The following PCDHGA3 variants were observed in gnomAD, a reference collection of about 807,000 sequenced individuals.
The protein encoded by PCDHGA3 is protocadherin gamma subfamily A, 3.
A neutral mutation model predicts 58.5 loss-of-function variants in PCDHGA3; 40 were observed. The observed-to-expected ratio is 0.68, with a 90% CI of 0.53 to 0.89. PCDHGA3 has a LOEUF of 0.89. PCDHGA3 is among the 40% of genes least tolerant of loss of function. The pLI, the probability that PCDHGA3 is intolerant of heterozygous loss-of-function variation, is 0.00. For synonymous variants in PCDHGA3, 530 were observed against 525.7 expected (o/e 1.01, Z -0.11); for missense variants, 1,223 against 1,195.9 (o/e 1.02, Z -0.33).
At chr5:141,510,845 C>T (rs2099883036) in intron 3 of PCDHGA3, 102 bp from the exon 4 acceptor site, 3 of 1,593,960 alleles carry the variant, frequency 1.9e-6, no homozygotes, top group Non-Finnish European at 2.6e-6. Context: ...TGGTCAAGGC[C>T]CAGGGTGCTG....
At chr5:141,364,392 G>A in intron 1 of PCDHGA3, 1 of 1,603,098 alleles carries the variant, frequency 6.2e-7, no homozygotes, top group East Asian at 2.2e-5. Flanking sequence ...ATGCTCCTGG[G>A]GACGCTGTGC....
intron 1 of PCDHGA3, among the ~76,000 whole-genome samples, chr5:141,473,946 G>A (rs1399816546): frequency 6.6e-6 from 1 of 152,170 alleles, no homozygotes; most frequent in African/African-American, 2.4e-5. Context: ...GCTCAGGCCT[G>A]TAGTCCCATC....
chr5:141,466,197 G>A (rs2099118639), intron 1 of PCDHGA3, among the ~76,000 whole-genome samples: 1 of 151,666 alleles, frequency 6.6e-6, no homozygotes, highest in South Asian at 2.1e-4. Flanking sequence ...TTCAGACACA[G>A]CCTTGCTCTG....
chr5:141,403,688 A>T (rs1385402830), intron 1 of PCDHGA3: 1 of 1,613,836 alleles, frequency 6.2e-7, no homozygotes, highest in Non-Finnish European at 8.5e-7. Flanking sequence ...TGCTCAACGG[A>T]TTTACCGAGT....
At chr5:141,400,261 C>G in intron 1 of PCDHGA3, 1 of 1,614,058 alleles carries the variant, frequency 6.2e-7, no homozygotes. Context: ...CTTGCGCCTG[C>G]GACGCTCCTC....
chr5:141,423,415 G>GA (rs750028507), intron 1 of PCDHGA3: 3 of 1,614,134 alleles, frequency 1.9e-6, no homozygotes, highest in Non-Finnish European at 2.5e-6. Context: ...GCAGGCTTCT[G>GA]AAGGCGGGTT....
chr5:141,364,479 A>G (rs761634575), intron 1 of PCDHGA3: 1 of 1,614,046 alleles, frequency 6.2e-7, no homozygotes, highest in East Asian at 2.2e-5. Flanking sequence ...AACATAGCCA[A>G]GGACCTTGGG....
In PCDHGA3 at chr5:141,409,983, T is replaced by C. The variant is rs1481655663; in HGVS notation, c.2424+63526T>C. The C allele has an allele frequency of 1.2e-6, 2 of 1,613,160 alleles. No individual in the cohort carries two copies. Among genetic ancestry groups the C allele is most frequent in the African/African-American group, 2.7e-5 (2 of 74,914 alleles). On this transcript the variant is annotated intron_variant, in intron 1 of 3. Coordinates refer to ENST00000253812, the MANE Select transcript of PCDHGA3 (RefSeq NM_018916.4). ...TACCTAGTGACTAAGGTGGTAGCGG[T>C]GGACGCCGACTCGGGACACAACGCC... is the stretch of plus-strand genomic sequence containing the variant.
In PCDHGA3 at chr5:141,422,020, G is replaced by T. The variant is rs374562798; in HGVS notation, c.2425-72787G>T. The T allele has an allele frequency of 1.3e-5, 21 of 1,610,932 alleles. No individual in the cohort carries two copies. The East Asian group carries it at 3.8e-4, about 29-fold the overall frequency. On this transcript the variant is annotated intron_variant, in intron 1 of 3. Transcript: ENST00000253812. ...CAGCTCCGGAACTCGGGTGCTGATG[G>T]TTAATGCAACGGATCCAGACGAGGG...
At chr5:141,480,745 C>T (rs528415324) in intron 1 of PCDHGA3, among the ~76,000 whole-genome samples, 1 of 152,278 alleles carries the variant, frequency 6.6e-6, no homozygotes, top group Non-Finnish European at 1.5e-5. Flanking sequence ...ACATAGGCAT[C>T]ATTTTTTGAA....
intron 1 of PCDHGA3, chr5:141,352,796 C>T: frequency 1.0e-6 from 1 of 954,356 alleles, no homozygotes; most frequent in Non-Finnish European, 1.5e-6. Context: ...TTGAGACCAG[C>T]ATAGCCAAGA....
At chr5:141,394,071 A>G (rs953618981) in intron 1 of PCDHGA3, 1 of 1,613,908 alleles carries the variant, frequency 6.2e-7, no homozygotes, top group Non-Finnish European at 8.5e-7. Context: ...TATCTACAAT[A>G]TCACAGTGAT....
intron 1 of PCDHGA3, chr5:141,356,550 C>G (rs954388230): frequency 5.6e-6 from 9 of 1,614,054 alleles, no homozygotes; most frequent in Non-Finnish European, 7.6e-6. Flanking sequence ...ACAACCCACC[C>G]ACTTTCCCTC....
Position 141,366,435 on chromosome 5 carries a change from G to A in PCDHGA3, c.2424+19978G>A, listed in dbSNP as rs1764554522. ...GTGGTGGCAGTGGCTGCAGTCTCCTGCGTCTTCCTGGCCTTCGTCATCGTG... is the reference window on the plus strand; with the variant it reads ...GTGGTGGCAGTGGCTGCAGTCTCCTACGTCTTCCTGGCCTTCGTCATCGTG... On this transcript the variant is annotated intron_variant, in intron 1 of 3. Transcript: ENST00000253812. 2 of 1,614,046 alleles carry A rather than the reference G, an allele frequency of 1.2e-6. No individual in the cohort carries two copies. The highest frequency in any genetic ancestry group is 1.3e-5 in the African/African-American group (1 of 74,958).
Position 141,345,050 on chromosome 5 carries a change from T to C in PCDHGA3, c.1017T>C (p.Asp339=), listed in dbSNP as rs759945231. The C allele has an allele frequency of 3.1e-6, 5 of 1,613,958 alleles. No homozygotes were observed. The South Asian group carries it at 4.4e-5, about 14-fold the overall frequency. The part of the protein sequence containing the change: ...SRAKILVTVL[D]VNDNAPEITI... ...CCAAGATTCTAGTCACGGTTCTGGA[T>C]GTGAATGACAATGCTCCAGAAATTA... is the stretch of plus-strand genomic sequence containing the variant. Residue 339 remains aspartate, a synonymous_variant, in exon 1 of 4, where the codon GAT becomes GAC. Transcript: ENST00000253812.
rs1001912556 is a variant in PCDHGA3, at chr5:141,493,404, CTCTGCTGGGATTTTGCT to C, written c.2425-1391_2425-1375del. Among the ~76,000 whole-genome samples, 10 of 152,266 alleles carry C rather than the reference CTCTGCTGGGATTTTGCT, an allele frequency of 6.6e-5. No individual in the cohort carries two copies. Among genetic ancestry groups the C allele is most frequent in the Admixed American group, 6.5e-4 (10 of 15,298 alleles). On this transcript the variant is annotated intron_variant, in intron 1 of 3. Coordinates refer to ENST00000253812, the MANE Select transcript of PCDHGA3 (RefSeq NM_018916.4). The surrounding 1 kb of genome is among the most constrained non-coding windows in gnomAD (Gnocchi z 4.3). ...CTTGAGGACAGGAGAGGGGAGTTGCCTCTGCTGGGATTTTGCTTCTGCTGGGATGGGGCAAGGGTGGG... is the reference window on the plus strand; with the variant it reads ...CTTGAGGACAGGAGAGGGGAGTTGCCTCTGCTGGGATGGGGCAAGGGTGGG...
intron 1 of PCDHGA3, among the ~76,000 whole-genome samples, chr5:141,462,125 A>AT (rs1561991410): frequency 6.6e-6 from 1 of 151,688 alleles, no homozygotes; most frequent in African/African-American, 2.4e-5. Context: ...ACCCAGTCCA[A>AT]TTTTTTGTAT....
intron 1 of PCDHGA3, chr5:141,478,111 A>G (rs2099430294): frequency 1.2e-6 from 2 of 1,613,982 alleles, no homozygotes; most frequent in Admixed American, 1.7e-5. Context: ...TCACTGTGTC[A>G]GTAACCGAGG....
chr5:141,473,382 C>A (rs780229708), intron 1 of PCDHGA3, among the ~76,000 whole-genome samples: 12 of 152,190 alleles, frequency 7.9e-5, no homozygotes, highest in Non-Finnish European at 1.8e-4. Context: ...TGGTCCCTGC[C>A]CTCCTGGAGC....
Sources: gnomAD v4.1 joint callset for allele counts (sites outside exome capture counted in the v4.1 genomes callset) on GRCh38, gnomAD v4.1.1 for gene constraint, Gnocchi (gnomAD v3.1) non-coding constraint, MANE v1.5 for transcripts, NCBI Gene and HGNC (gene_info 2026-07-23, HGNC 2026-07-21) for gene names.